Variants in CNTNAP2 observed in about 807,000 individuals in gnomAD.
CNTNAP2 encodes contactin associated protein 2.
In CNTNAP2, 98 loss-of-function variants were observed where a neutral mutation model predicts 155.2. That is an observed-to-expected ratio of 0.63 (90% CI 0.54 to 0.75). The LOEUF is 0.75. Among genes scored for constraint, CNTNAP2 ranks in the 30% least tolerant of loss-of-function variants. CNTNAP2 has a pLI of 0.00. For missense variants in CNTNAP2, 1,727 were observed against 1,688.1 expected, an observed-to-expected ratio of 1.02 and a Z score of -0.40; for synonymous variants, 651 against 631.2, an observed-to-expected ratio of 1.03 and a Z score of -0.47.
At chr7:147,407,572 T>C (rs1196038354) in intron 10 of CNTNAP2, among the ~76,000 whole-genome samples, 1 of 150,248 alleles carries the variant, frequency 6.7e-6, no homozygotes, top group African/African-American at 2.4e-5. Context: ...TAATCTCCTA[T>C]GAAGGTCAAG....
At chr7:147,870,248 C>T (rs541319571) in intron 13 of CNTNAP2, among the ~76,000 whole-genome samples, 53 of 152,198 alleles carry the variant, frequency 3.5e-4, no homozygotes, top group African/African-American at 1.3e-3. Flanking sequence ...TGGTCTGACC[C>T]TATGGAGGAA....
intron 8 of CNTNAP2, among the ~76,000 whole-genome samples, chr7:147,140,532 A>G (rs1323020047): frequency 1.3e-5 from 2 of 152,034 alleles, no homozygotes; most frequent in African/African-American, 4.8e-5. Context: ...CCCAATCTCA[A>G]CTGCTGCTAT....
chr7:146,227,617 C>G (rs1478699216), intron 1 of CNTNAP2, among the ~76,000 whole-genome samples: 1 of 151,874 alleles, frequency 6.6e-6, no homozygotes, highest in East Asian at 1.9e-4. Context: ...AAAAGTATGT[C>G]AATTGGTGAG....
At chr7:147,706,680 G>A (rs1412328886) in intron 13 of CNTNAP2, among the ~76,000 whole-genome samples, 1 of 152,076 alleles carries the variant, frequency 6.6e-6, no homozygotes, top group Non-Finnish European at 1.5e-5. Context: ...CCTCTTCCTA[G>A]ACTTTGAAAG....
intron 1 of CNTNAP2, among the ~76,000 whole-genome samples, chr7:146,747,458 T>C (rs1232492594): frequency 6.6e-6 from 1 of 152,224 alleles, no homozygotes; most frequent in Admixed American, 6.5e-5. Context: ...GAATAATTGC[T>C]TTTATTCTTA....
In CNTNAP2 at chr7:147,903,602, C is replaced by T. The variant is rs187552025; in HGVS notation, c.2136C>T (p.Asn712=). Residue 712 remains asparagine (N), a synonymous_variant, in exon 14 of 24, where the codon AAC becomes AAT. Coordinates refer to ENST00000361727, the MANE Select transcript of CNTNAP2 (RefSeq NM_014141.6). ...ACACTTGGTGGGTTGGCAAAGCCAA[C>T]GAGAAGCACTACTACTGGGGAGGCT... ...SPYTWWVGKA[N]EKHYYWGGSG... 96 of 1,614,126 alleles carry T rather than the reference C, an allele frequency of 5.9e-5. No homozygotes were observed. In the Admixed American group the frequency reaches 1.0e-3, roughly 17 times the overall value.
At chr7:147,781,673 G>C (rs1195122928) in intron 13 of CNTNAP2, among the ~76,000 whole-genome samples, 1 of 152,068 alleles carries the variant, frequency 6.6e-6, no homozygotes, top group African/African-American at 2.4e-5. Context: ...AAATCTCAAG[G>C]AAAACAAGAC....
intron 3 of CNTNAP2, among the ~76,000 whole-genome samples, chr7:146,993,376 G>C (rs112398474): frequency 9.5e-4 from 144 of 152,184 alleles, no homozygotes; most frequent in African/African-American, 3.4e-3. Flanking sequence ...CTTACAAATC[G>C]AATGAACCTA....
intron 13 of CNTNAP2, among the ~76,000 whole-genome samples, chr7:147,727,747 C>CT (rs10689191): frequency 0.59 from 83,628 of 141,446 alleles, 27,439 homozygotes; most frequent in East Asian, 0.93. Flanking sequence ...CCAAAGCCTG[C>CT]TTTTTTTTTT....
At chr7:146,449,470 T>A (rs1436000265) in intron 1 of CNTNAP2, among the ~76,000 whole-genome samples, 3 of 152,162 alleles carry the variant, frequency 2.0e-5, no homozygotes, top group African/African-American at 7.2e-5. Context: ...CAGGTCCCTA[T>A]GTCCCCAATG....
chr7:147,726,103 A>T lies in CNTNAP2; in HGVS notation c.2098+86797A>T, dbSNP rs114060633. ...AGAATAGAATGGTGGAAGGGCATGGAATCAGGGGGATAACGAGAGCTGTTA... is the reference window on the plus strand; with the variant it reads ...AGAATAGAATGGTGGAAGGGCATGGTATCAGGGGGATAACGAGAGCTGTTA... On this transcript the variant is annotated intron_variant, in intron 13 of 23. Coordinates refer to ENST00000361727, the MANE Select transcript of CNTNAP2 (RefSeq NM_014141.6). Among the ~76,000 whole-genome samples, 958 of 151,882 alleles carry T rather than the reference A, an allele frequency of 6.3e-3. 6 individuals are homozygous for T. Among genetic ancestry groups the T allele is most frequent in the African/African-American group, 0.022 (914 of 41,546 alleles).
chr7:147,423,353 GC>G (rs1375717418), intron 10 of CNTNAP2, among the ~76,000 whole-genome samples: 3 of 152,096 alleles, frequency 2.0e-5, no homozygotes, highest in African/African-American at 7.2e-5. Context: ...TAATTTATAT[GC>G]CCAAAGAAAA....
intron 3 of CNTNAP2, among the ~76,000 whole-genome samples, chr7:146,916,894 C>T (rs1400458798): frequency 1.3e-5 from 2 of 152,030 alleles, no homozygotes; most frequent in Non-Finnish European, 2.9e-5. Context: ...CTCTAGCCTC[C>T]TTGAGGTGTG....
chr7:148,343,367 G>A (rs1306255491), intron 21 of CNTNAP2, among the ~76,000 whole-genome samples: 3 of 152,164 alleles, frequency 2.0e-5, no homozygotes, highest in Non-Finnish European at 2.9e-5. Context: ...AGACTAGGTC[G>A]TCTCAGCATT....
Position 146,789,731 on chromosome 7 carries a change from A to G in CNTNAP2, c.208+15350A>G, listed in dbSNP as rs995648020. ...AAATAAGAAAAAACTACTGATATGC[A>G]GCACCAATACGCTAGAATCTGACAG... On this transcript the variant is annotated intron_variant, in intron 2 of 23. Coordinates refer to ENST00000361727, the MANE Select transcript of CNTNAP2 (RefSeq NM_014141.6). Among the ~76,000 whole-genome samples, 4 of 152,030 alleles carry G rather than the reference A, an allele frequency of 2.6e-5. No homozygotes were observed. The South Asian group carries it at 8.3e-4, about 32-fold the overall frequency.
intron 18 of CNTNAP2, among the ~76,000 whole-genome samples, chr7:148,211,688 G>A (rs541729974): frequency 1.8e-4 from 27 of 152,250 alleles, no homozygotes; most frequent in African/African-American, 6.5e-4. Flanking sequence ...AGTTCCCTGG[G>A]GTTCTTACCT....
chr7:146,406,972 G>C (rs1429001659), intron 1 of CNTNAP2, among the ~76,000 whole-genome samples: 6 of 152,154 alleles, frequency 3.9e-5, no homozygotes, highest in Non-Finnish European at 8.8e-5. Context: ...TATTTTCATA[G>C]ATCACTTTCT....
chr7:147,969,535 G>C (rs1350039227), intron 14 of CNTNAP2, among the ~76,000 whole-genome samples: 1 of 152,144 alleles, frequency 6.6e-6, no homozygotes, highest in Non-Finnish European at 1.5e-5. Context: ...CTGTATGACA[G>C]TCTCATTAAG....
chr7:146,386,206 C>CAACACCCAA (rs1160583185), intron 1 of CNTNAP2, among the ~76,000 whole-genome samples: 2 of 151,958 alleles, frequency 1.3e-5, no homozygotes, highest in Admixed American at 1.3e-4. Context: ...TTCTATCCTC[C>CAACACCCAA]AACACCCAAA....
Sources: gnomAD v4.1 joint callset for allele counts (sites outside exome capture counted in the v4.1 genomes callset) on GRCh38, gnomAD v4.1.1 for gene constraint, MANE v1.5 for transcripts, NCBI Gene and HGNC (gene_info 2026-07-23, HGNC 2026-07-21) for gene names.